TMPO: variants seen among roughly 807,000 people sequenced by gnomAD.
The protein encoded by TMPO is thymopoietin.
Under a neutral mutation model 45.4 loss-of-function variants are expected in TMPO, and 22 were observed. That is an observed-to-expected ratio of 0.48 (90% CI 0.35 to 0.69). TMPO has a LOEUF of 0.69. TMPO is among the 30% of genes least tolerant of loss of function. TMPO has a pLI of 0.01. For synonymous variants in TMPO, 241 were observed against 204.1 expected (o/e 1.18, Z -1.54); for missense variants, 512 against 548.8 (o/e 0.93, Z 0.67).
chr12:98,520,764 T>C (rs1876284903), intron 1 of TMPO, among the ~76,000 whole-genome samples: 1 of 151,490 alleles, frequency 6.6e-6, no homozygotes, highest in African/African-American at 2.4e-5. Flanking sequence ...TTATGTATTT[T>C]TAGTAAAGAC....
At chr12:98,539,163 G>A (rs1272228040) in intron 4 of TMPO, among the ~76,000 whole-genome samples, 1 of 151,964 alleles carries the variant, frequency 6.6e-6, no homozygotes, top group East Asian at 1.9e-4. Flanking sequence ...TCGCGCCATT[G>A]CACTCTAGCC....
In TMPO at chr12:98,547,945, C is replaced by T. The variant is rs963797805; in HGVS notation, c.*87C>T. On this transcript the variant is annotated 3_prime_UTR_variant, in exon 9 of 9. Coordinates refer to ENST00000556029, the MANE Select transcript of TMPO (RefSeq NM_001032283.3). ...TGTGTACACTTGTTGACTCCAAGAA[C>T]TAAAAATAATGTGATTTCGCCTCAA... The T allele has an allele frequency of 6.9e-7, 1 of 1,441,368 alleles. No homozygotes were observed. The highest frequency in any genetic ancestry group is 1.2e-5 in the South Asian group (1 of 81,400). The allele number at this position is 1,441,368 out of a possible 1,614,324, so 89.3% of individuals were successfully genotyped here.
At chr12:98,536,077 TTAAAC>T (rs929849731) in intron 3 of TMPO, among the ~76,000 whole-genome samples, 5 of 152,204 alleles carry the variant, frequency 3.3e-5, no homozygotes, top group African/African-American at 9.6e-5. Context: ...ACTGAACTGT[TTAAAC>T]TAACTTGATA....
intron 1 of TMPO, among the ~76,000 whole-genome samples, chr12:98,523,678 C>T (rs564710179): frequency 1.3e-5 from 2 of 151,874 alleles, no homozygotes; most frequent in Non-Finnish European, 2.9e-5. Flanking sequence ...GATTTTCTTT[C>T]TTTCTTTTTT....
chr12:98,519,944 T>C (rs182685775), intron 1 of TMPO, among the ~76,000 whole-genome samples: 26 of 152,170 alleles, frequency 1.7e-4, no homozygotes, highest in Admixed American at 8.5e-4. Context: ...ATTTCTTTTT[T>C]TTTCTTTCTT....
At position 98,536,006 on chromosome 12, in the gene TMPO, T is replaced by C. The variant is rs11612534; in HGVS notation, c.566-1469T>C. On this transcript the variant is annotated intron_variant, in intron 3 of 8. Transcript: ENST00000556029. ...GGGGGTTGTACCAAACATAGATACATTGACAGATCCATTGATAGAAGTGTT... is the reference window on the plus strand; with the variant it reads ...GGGGGTTGTACCAAACATAGATACACTGACAGATCCATTGATAGAAGTGTT... Among the ~76,000 whole-genome samples the C allele has an allele frequency of 1.7e-3, 265 of 152,324 alleles. 1 individual carries two copies. Among genetic ancestry groups the C allele is most frequent in the Non-Finnish European group, 2.8e-3 (190 of 68,018 alleles).
intron 6 of TMPO, 53 bp downstream of exon 6, chr12:98,544,590 A>C (rs1878109676): frequency 6.9e-7 from 1 of 1,440,418 alleles, no homozygotes. Flanking sequence ...ATTACCCTTT[A>C]ATTGGAAATG....
chr12:98,517,069 A>G (rs940809815), intron 1 of TMPO, among the ~76,000 whole-genome samples: 6 of 152,168 alleles, frequency 3.9e-5, no homozygotes, highest in Non-Finnish European at 8.8e-5. Flanking sequence ...CCTCGGCCTC[A>G]CAAAGTGCTG....
At chr12:98,539,637 C>T (rs1877795587) in intron 4 of TMPO, among the ~76,000 whole-genome samples, 1 of 152,054 alleles carries the variant, frequency 6.6e-6, no homozygotes, top group South Asian at 2.1e-4. Context: ...CCATGCCCAG[C>T]TAGTTTTTGA....
chr12:98,541,053 G>A (rs1946050201), intron 4 of TMPO, among the ~76,000 whole-genome samples: 1 of 151,886 alleles, frequency 6.6e-6, no homozygotes, highest in Non-Finnish European at 1.5e-5. Flanking sequence ...CTTTTTTGAT[G>A]TTCACATTGT....
chr12:98,536,005 A>G (rs962928643), intron 3 of TMPO, among the ~76,000 whole-genome samples: 5 of 152,214 alleles, frequency 3.3e-5, no homozygotes, highest in African/African-American at 1.2e-4. Context: ...ACATAGATAC[A>G]TTGACAGATC....
In TMPO at chr12:98,547,683, T is replaced by C. The variant is rs1435452521; in HGVS notation, c.1190T>C (p.Leu397Ser). The C allele has an allele frequency of 6.2e-7, 1 of 1,614,228 alleles. No individual in the cohort carries two copies. Among genetic ancestry groups the C allele is most frequent in the Non-Finnish European group, 8.5e-7 (1 of 1,180,032 alleles). The change falls in exon 9 of 9, where the codon TTG becomes TCG. Residue 397 changes from leucine (L) to serine (S), a missense_variant. Transcript: ENST00000556029. ...SSKYVPKYVPLADVKSEKTKK... is the reference protein window; with the variant it reads ...SSKYVPKYVPSADVKSEKTKK... ...AAATATGTTCCTAAGTATGTTCCCTTGGCAGATGTCAAGTCAGAAAAGACA... is the reference window on the plus strand; with the variant it reads ...AAATATGTTCCTAAGTATGTTCCCTCGGCAGATGTCAAGTCAGAAAAGACA...
chr12:98,515,906 A>C lies in TMPO; in HGVS notation c.39A>C (p.Lys13Asn). The change falls in exon 1 of 9, where the codon AAA becomes AAC. Residue 13 changes from lysine (K) to asparagine (N), a missense_variant. By Grantham distance (94) the Lys-to-Asn change is moderately conservative (BLOSUM62 0). This residue lies in a region of TMPO where 299 missense variants were observed against 296.7 expected (regional missense o/e 1.01). Transcript: ENST00000556029. Reference protein sequence around the residue: ...EFLEDPSVLTKDKLKSELVAN... With the variant: ...EFLEDPSVLTNDKLKSELVAN... ...TGGAAGACCCCTCGGTCCTGACAAA[A>C]GACAAGTTGAAGAGTGAGTTGGTCG... is the stretch of plus-strand genomic sequence containing the variant. 1 of 1,613,760 alleles carries C rather than the reference A, an allele frequency of 6.2e-7. No individual in the cohort carries two copies. Among genetic ancestry groups the C allele is most frequent in the Non-Finnish European group, 8.5e-7 (1 of 1,179,816 alleles).
At chr12:98,531,872 G>A (rs3213901) in intron 3 of TMPO, 34 bp downstream of exon 3, 9 of 1,582,624 alleles carry the variant, frequency 5.7e-6, no homozygotes, top group Non-Finnish European at 7.8e-6. Flanking sequence ...CAAATGTATG[G>A]AATTTTTTCA....
rs768590055 is a variant in TMPO at position 98,547,783 on chromosome 12, C to T, written c.1290C>T (p.Val430=). ...TTGTGGCAGTTTTTTTGTTTTTGGT[C>T]TATCAAGCTATGGAAACCAACCAAG... The part of the protein sequence containing the change: ...FVVVAVFLFL[V]YQAMETNQVN... The change falls in exon 9 of 9, where the codon GTC becomes GTT. Residue 430 remains valine, a synonymous_variant. Coordinates refer to ENST00000556029, the MANE Select transcript of TMPO (RefSeq NM_001032283.3). 1.9e-6 allele frequency: 3 copies of T among 1,613,974 alleles called. No individual in the cohort carries two copies. The highest frequency in any genetic ancestry group is 8.5e-7 in the Non-Finnish European group (1 of 1,179,992).
rs568283595 is a variant in TMPO at position 98,550,192 on chromosome 12, G to A, written c.*2334G>A. ...AACATGTACTTGGTCTTTTGTGTGT[G>A]TCTGTTTTATTCCATTAGAATAAAT... On this transcript the variant is annotated 3_prime_UTR_variant, in exon 9 of 9. Transcript: ENST00000556029. 2.6e-5 allele frequency: 4 copies of A among 152,272 alleles called. No homozygotes were observed. The highest frequency in any genetic ancestry group is 4.8e-5 in the African/African-American group (2 of 41,562). 9.4% of individuals were successfully genotyped at this position (152,272 alleles called of 1,614,324 possible). A position where few individuals can be genotyped will look rare whatever the true frequency, so the allele number is the denominator to read the frequency against.
intron 2 of TMPO, among the ~76,000 whole-genome samples, chr12:98,531,235 CTT>C (rs1228236045): frequency 1.7e-4 from 19 of 111,082 alleles, no homozygotes; most frequent in Admixed American, 3.1e-4. Context: ...CCACCACGTC[CTT>C]TTTTTTTTTT....
intron 3 of TMPO, chr12:98,534,890 C>T (rs373459649): frequency 1.0e-6 from 1 of 983,826 alleles, no homozygotes. Context: ...CAATGCAACT[C>T]AAAGCACCAG....
chr12:98,520,501 T>C (rs977648092), intron 1 of TMPO, among the ~76,000 whole-genome samples: 1 of 151,496 alleles, frequency 6.6e-6, no homozygotes, highest in Non-Finnish European at 1.5e-5. Context: ...GAGACAAGGT[T>C]TCACCATGTT....
Sources: gnomAD v4.1 joint callset for allele counts (sites outside exome capture counted in the v4.1 genomes callset) on GRCh38, gnomAD v4.1.1 for gene constraint, gnomAD v4.1.1 regional missense constraint, MANE v1.5 for transcripts, NCBI Gene and HGNC (gene_info 2026-07-23, HGNC 2026-07-21) for gene names.